The following DPYD variants were observed in gnomAD, a reference collection of about 807,000 sequenced individuals.
DPYD encodes dihydropyrimidine dehydrogenase, also known as dihydropyrimidine dehydrogenase [NADP(+)].
DPYD carries 109 observed loss-of-function variants against 116.2 expected under a neutral mutation model. The observed-to-expected ratio is 0.94, with a 90% CI of 0.80 to 1.10. The LOEUF is 1.10. Among genes scored for constraint, DPYD ranks in the 50% least tolerant of loss-of-function variants. The pLI is 0.00. For synonymous variants in DPYD, 440 were observed against 432.0 expected (o/e 1.02, Z -0.23); for missense variants, 1,302 against 1,254.5 (o/e 1.04, Z -0.57).
chr1:97,355,283 GT>G (rs1461321898), intron 16 of DPYD, among the ~76,000 whole-genome samples: 26 of 151,830 alleles, frequency 1.7e-4, no homozygotes, highest in African/African-American at 5.8e-4. Flanking sequence ...AAAAATTATT[GT>G]TGTATATATT....
chr1:97,817,801 T>A (rs1668706968), intron 3 of DPYD, among the ~76,000 whole-genome samples: 1 of 152,086 alleles, frequency 6.6e-6, no homozygotes, highest in African/African-American at 2.4e-5. Context: ...CACAACAGCT[T>A]GTTAACAAGA....
intron 13 of DPYD, among the ~76,000 whole-genome samples, chr1:97,469,684 C>A (rs1307067649): frequency 1.3e-5 from 2 of 152,138 alleles, no homozygotes; most frequent in Non-Finnish European, 2.9e-5. Flanking sequence ...CTAACCATAA[C>A]ACCATATTAT....
At chr1:97,389,864 C>CAAA (rs11406485) in intron 14 of DPYD, among the ~76,000 whole-genome samples, 11,900 of 142,388 alleles carry the variant, frequency 0.084, 571 homozygotes, top group African/African-American at 0.14. Context: ...GCTTATTTGG[C>CAAA]AAAAAAAAAA....
chr1:97,798,593 A>T (rs1667698352), intron 3 of DPYD, among the ~76,000 whole-genome samples: 1 of 151,902 alleles, frequency 6.6e-6, no homozygotes, highest in Non-Finnish European at 1.5e-5. Flanking sequence ...CACAGTATTG[A>T]GGTGAAGATA....
rs1007808020 is a variant in DPYD, at chr1:97,545,749, G to A, written c.1524+3811C>T. The stretch of plus-strand genomic sequence containing the variant: ...GAACCGTGAAGAAAGGGAATTTCGT[G>A]CTCCAACTTTGGCATCCCTAGAAAA... On this transcript the variant is annotated intron_variant, in intron 12 of 22. Transcript: ENST00000370192. 31 of 1,529,034 alleles carry A rather than the reference G, an allele frequency of 2.0e-5. No individual in the cohort carries two copies. The African/African-American group carries it at 4.0e-4, about 20-fold the overall frequency. 94.7% of individuals were successfully genotyped at this position (1,529,034 alleles called of 1,614,324 possible). A position where few individuals can be genotyped will look rare whatever the true frequency, so the allele number is the denominator to read the frequency against.
chr1:97,187,428 T>TTTG (rs368167773), intron 20 of DPYD, among the ~76,000 whole-genome samples: 18 of 152,222 alleles, frequency 1.2e-4, no homozygotes, highest in African/African-American at 4.1e-4. Context: ...GGGTTACTTG[T>TTTG]TTGTTGTTGT....
chr1:97,640,277 G>A (rs918879569), intron 8 of DPYD, among the ~76,000 whole-genome samples: 3 of 151,664 alleles, frequency 2.0e-5, no homozygotes, highest in South Asian at 4.2e-4. Flanking sequence ...TCTTGTAGAA[G>A]CATTTTTACT....
intron 20 of DPYD, among the ~76,000 whole-genome samples, chr1:97,141,705 G>T (rs1438822849): frequency 6.6e-6 from 1 of 152,034 alleles, no homozygotes; most frequent in African/African-American, 2.4e-5. Flanking sequence ...TTCTACAAGG[G>T]TAGGTTCCTT....
At chr1:97,757,759 T>C (rs1419506456) in intron 3 of DPYD, among the ~76,000 whole-genome samples, 1 of 152,136 alleles carries the variant, frequency 6.6e-6, no homozygotes, top group Non-Finnish European at 1.5e-5. Context: ...ATGATGCAAG[T>C]AACTAGAAAA....
chr1:97,194,896 G>T (rs1658639633), intron 19 of DPYD, among the ~76,000 whole-genome samples: 1 of 152,160 alleles, frequency 6.6e-6, no homozygotes, highest in South Asian at 2.1e-4. Context: ...AGTTAAGGAA[G>T]TTTGAATCAG....
At position 97,077,823 on chromosome 1, in the gene DPYD, T is replaced by C. The variant is rs1203563572; in HGVS notation, c.*1153A>G. 1 of 152,162 alleles carries C rather than the reference T, an allele frequency of 6.6e-6. No homozygotes were observed. Among genetic ancestry groups the C allele is most frequent in the Non-Finnish European group, 1.5e-5 (1 of 68,000 alleles). 9.4% of individuals were successfully genotyped at this position (152,162 alleles called of 1,614,324 possible). The stretch of plus-strand genomic sequence containing the variant: ...GCAAATATGCATTTCTAAAAGTGCA[T>C]AATGAAACATTTTATTTTTCTAGCT... On this transcript the variant is annotated 3_prime_UTR_variant, in exon 23 of 23. Transcript: ENST00000370192.
chr1:97,612,464 C>T (rs115701932), intron 8 of DPYD, among the ~76,000 whole-genome samples: 1,993 of 151,982 alleles, frequency 0.013, 23 homozygotes, highest in Middle Eastern at 0.024. Context: ...AATGGTAAAA[C>T]AAGCCTTTAA....
intron 20 of DPYD, among the ~76,000 whole-genome samples, chr1:97,122,224 T>C (rs1652499924): frequency 6.6e-6 from 1 of 152,132 alleles, no homozygotes; most frequent in African/African-American, 2.4e-5. Context: ...GTGACTATCA[T>C]ATAGAGGCTG....
In DPYD at chr1:97,885,046, G is replaced by A. The variant is rs137937734; in HGVS notation, c.40-1672C>T. 3.9e-3 allele frequency among the ~76,000 whole-genome samples: 600 copies of A among 152,048 alleles called. 5 individuals carry two copies. Among genetic ancestry groups the A allele is most frequent in the African/African-American group, 0.014 (574 of 41,514 alleles). On this transcript the variant is annotated intron_variant, in intron 1 of 22. Coordinates refer to ENST00000370192, the MANE Select transcript of DPYD (RefSeq NM_000110.4). ...CAAAAACCCTAAAAATTGAAGTGTAGTGAAAATGGAATCCAGAGGCTATGT... is the reference window on the plus strand; with the variant it reads ...CAAAAACCCTAAAAATTGAAGTGTAATGAAAATGGAATCCAGAGGCTATGT...
At chr1:97,641,952 C>T (rs938310947) in intron 8 of DPYD, among the ~76,000 whole-genome samples, 3 of 152,118 alleles carry the variant, frequency 2.0e-5, no homozygotes, top group Non-Finnish European at 4.4e-5. Flanking sequence ...TCTTATACAC[C>T]AATAACAGAC....
At chr1:97,320,366 A>C (rs1349811943) in intron 16 of DPYD, among the ~76,000 whole-genome samples, 14 of 82,578 alleles carry the variant, frequency 1.7e-4, no homozygotes, top group Non-Finnish European at 1.1e-4. Flanking sequence ...CCTTAAGCTG[A>C]TAAGCAACTT....
rs894773723 is a variant in DPYD at position 97,832,172 on chromosome 1, T to C, written c.151-3976A>G. 6.0e-5 allele frequency among the ~76,000 whole-genome samples: 9 copies of C among 150,762 alleles called. No individual in the cohort carries two copies. In the East Asian group the frequency reaches 1.2e-3, roughly 20 times the overall value. On this transcript the variant is annotated intron_variant, in intron 2 of 22. Coordinates refer to ENST00000370192, the MANE Select transcript of DPYD (RefSeq NM_000110.4). ...AGGAAGTCTAACCATTTAATCTGCA[T>C]GACAACCATATGTATTCCTATTTTA... is the stretch of plus-strand genomic sequence containing the variant.
intron 5 of DPYD, among the ~76,000 whole-genome samples, chr1:97,711,680 C>A (rs539449483): frequency 1.3e-5 from 2 of 151,950 alleles, no homozygotes; most frequent in African/African-American, 4.8e-5. Context: ...TACAAATAAA[C>A]CTTACAAATT....
chr1:97,690,191 A>G (rs185973264), intron 7 of DPYD, among the ~76,000 whole-genome samples: 79 of 152,206 alleles, frequency 5.2e-4, no homozygotes, highest in Non-Finnish European at 5.9e-5. Context: ...GATTTTGAAC[A>G]ACGTTCTAGA....
Sources: allele counts gnomAD v4.1 joint callset (sites outside exome capture counted in the v4.1 genomes callset), GRCh38; gene constraint gnomAD v4.1.1; transcripts MANE v1.5; gene names NCBI Gene and HGNC (gene_info 2026-07-23, HGNC 2026-07-21).